Variants in HK1 observed in about 807,000 individuals in gnomAD.
HK1 encodes hexokinase 1.
A neutral mutation model predicts 91.6 loss-of-function variants in HK1; 28 were observed. The ratio of observed to expected loss-of-function variants is 0.31; its 90% confidence interval spans 0.23 to 0.42. The LOEUF (loss-of-function observed/expected upper bound fraction) is 0.42. HK1 is among the 10% of genes least tolerant of loss of function. HK1 has a pLI of 1.00. For missense variants in HK1, 770 were observed against 1,219.8 expected (o/e 0.63, Z 5.49); for synonymous variants, 430 against 468.1 (o/e 0.92, Z 1.05).
chr10:69,347,403 A>G (rs898023532), intron 2 of HK1, among the ~76,000 whole-genome samples: 36 of 151,604 alleles, frequency 2.4e-4, no homozygotes, highest in African/African-American at 8.5e-4. Flanking sequence ...GAGATTAACC[A>G]GTACCGGTTC....
chr10:69,330,480 C>T (rs1017534075), intron 1 of HK1, among the ~76,000 whole-genome samples: 3 of 152,154 alleles, frequency 2.0e-5, no homozygotes, highest in East Asian at 1.9e-4. Flanking sequence ...ACCTCCCTAA[C>T]GCCAGTGGGC....
At chr10:69,288,249 T>TTGTA (rs564998879) in intron 2 of HK1, among the ~76,000 whole-genome samples, 1 of 152,306 alleles carries the variant, frequency 6.6e-6, no homozygotes, top group African/African-American at 2.4e-5. Flanking sequence ...GCAGAGAAGG[T>TTGTA]TGTAGTTGGT....
At chr10:69,381,209 G>A (rs1204467365) in intron 9 of HK1, among the ~76,000 whole-genome samples, 1 of 152,090 alleles carries the variant, frequency 6.6e-6, no homozygotes, top group Non-Finnish European at 1.5e-5. Flanking sequence ...GATCACTTGA[G>A]CATGGGGGTG....
At chr10:69,311,923 C>A (rs980345968), upstream of HK1, among the ~76,000 whole-genome samples, 1 of 152,192 alleles carries the variant, frequency 6.6e-6, no homozygotes, top group African/African-American at 2.4e-5. Flanking sequence ...GCGTGAGCCA[C>A]CGCGCTCGGC....
intron 1 of HK1, among the ~76,000 whole-genome samples, chr10:69,328,136 A>G (rs1458574313): frequency 6.6e-6 from 1 of 152,172 alleles, no homozygotes; most frequent in African/African-American, 2.4e-5. Context: ...GCTCAGAGAA[A>G]ACTCAAGCCA....
chr10:69,400,892 C>A, intron 17 of HK1, 99 bp from the exon 18 acceptor site: 1 of 1,272,320 alleles, frequency 7.9e-7, no homozygotes, highest in Admixed American at 1.7e-5. Flanking sequence ...TAAGTCGAAT[C>A]ATCACCAGTC....
At chr10:69,309,250 C>A (rs184935998) in intron 5 of HK1, among the ~76,000 whole-genome samples, 1 of 149,776 alleles carries the variant, frequency 6.7e-6, no homozygotes, top group African/African-American at 2.5e-5. Flanking sequence ...GGCATGATCT[C>A]GGCTCACTGC....
In HK1 at chr10:69,299,886, T is replaced by C. The variant is rs894483176; in HGVS notation, c.-66-883T>C. ...CATGTTGGCCAGGCTGGTCTTGAACTCCTGACCTCATGATTCGCCTGCCTT... is the reference window on the plus strand; with the variant it reads ...CATGTTGGCCAGGCTGGTCTTGAACCCCTGACCTCATGATTCGCCTGCCTT... On this transcript the variant is annotated intron_variant, in intron 4 of 21. Coordinates refer to the HK1 transcript ENST00000360289. 7.9e-5 allele frequency among the ~76,000 whole-genome samples: 12 copies of C among 151,428 alleles called. 1 individual carries two copies. Among genetic ancestry groups the C allele is most frequent in the Middle Eastern group, 3.4e-3 (1 of 294 alleles).
At chr10:69,300,840 A>C in exon 5 of HK1, 2 of 1,602,412 alleles carry the variant, frequency 1.2e-6, no homozygotes, top group Non-Finnish European at 1.7e-6. Flanking sequence ...GAAAGATGGC[A>C]AAAAGAGCCC....
At position 69,353,386 on chromosome 10, in the gene HK1, T is replaced by C. The variant is rs374816792; in HGVS notation, c.227-6511T>C. On this transcript the variant is annotated intron_variant, in intron 2 of 17. Transcript: ENST00000359426. ...GGTGGATCGCTTGAGCCTAAGAGTT[T>C]GAGACTAGCTTGGGCAACATGGTAA... Among the ~76,000 whole-genome samples, 11 of 152,154 alleles carry C rather than the reference T, an allele frequency of 7.2e-5. No individual in the cohort carries two copies. The East Asian group carries it at 2.1e-3, about 29-fold the overall frequency.
chr10:69,364,940 C>T, intron 4 of HK1, 38 bp downstream of exon 4: 2 of 1,613,284 alleles, frequency 1.2e-6, no homozygotes, highest in African/African-American at 1.3e-5. Context: ...CTGCAGATGC[C>T]CCGGGATGGA....
At chr10:69,299,811 G>A (rs796758643) in intron 4 of HK1, among the ~76,000 whole-genome samples, 12 of 151,028 alleles carry the variant, frequency 7.9e-5, no homozygotes, top group African/African-American at 3.0e-4. Context: ...ACAGGCGCCT[G>A]CCACTACACC....
intron 9 of HK1, among the ~76,000 whole-genome samples, chr10:69,381,863 A>T (rs185835573): frequency 4.1e-4 from 63 of 152,192 alleles, no homozygotes; most frequent in African/African-American, 1.5e-3. Flanking sequence ...GCCCCATCTG[A>T]CTTTTGAACA....
At chr10:69,361,091 C>G (rs2132767970) in intron 3 of HK1, among the ~76,000 whole-genome samples, 1 of 152,352 alleles carries the variant, frequency 6.6e-6, no homozygotes, top group South Asian at 2.1e-4. Flanking sequence ...CTGGAGCAAG[C>G]CACCAAGCCT....
chr10:69,353,206 T>G (rs575174259), intron 2 of HK1, among the ~76,000 whole-genome samples: 1 of 152,074 alleles, frequency 6.6e-6, no homozygotes, highest in Admixed American at 6.6e-5. Flanking sequence ...CCATGCCGCC[T>G]CCAGGGAGGG....
At chr10:69,390,730 G>C (rs1839861502) in intron 14 of HK1, among the ~76,000 whole-genome samples, 1 of 152,170 alleles carries the variant, frequency 6.6e-6, no homozygotes, top group Non-Finnish European at 1.5e-5. Context: ...TGGTGCTCCT[G>C]GGCGCATCAT....
intron 2 of HK1, among the ~76,000 whole-genome samples, chr10:69,352,747 T>A (rs1848941900): frequency 1.3e-5 from 2 of 152,162 alleles, no homozygotes; most frequent in Non-Finnish European, 2.9e-5. Context: ...TGGTTGTTAA[T>A]GGGTATGGAA....
At chr10:69,342,162 AAAACAAAC>A (rs33984080) in intron 1 of HK1, among the ~76,000 whole-genome samples, 2,543 of 141,000 alleles carry the variant, frequency 0.018, 54 homozygotes, top group African/African-American at 0.056. Context: ...ACCAACCCCA[AAAACAAAC>A]AAACAAACAA....
chr10:69,345,958 G>A (rs546641512), intron 2 of HK1, among the ~76,000 whole-genome samples: 1 of 152,218 alleles, frequency 6.6e-6, no homozygotes, highest in Admixed American at 6.5e-5. Flanking sequence ...ATTTATGGGT[G>A]GGTTCAGTTC....
Sources: allele counts gnomAD v4.1 joint callset (sites outside exome capture counted in the v4.1 genomes callset), GRCh38; gene constraint gnomAD v4.1.1; transcripts MANE v1.5; gene names NCBI Gene and HGNC (gene_info 2026-07-23, HGNC 2026-07-21).